Variants in SNX30 observed in about 807,000 individuals in gnomAD.
SNX30 encodes the protein sorting nexin family member 30.
A neutral mutation model predicts 46.4 loss-of-function variants in SNX30; 24 were observed. That is an observed-to-expected ratio of 0.52 (90% CI 0.37 to 0.73). SNX30 has a LOEUF of 0.73. SNX30 is among the 30% of genes least tolerant of loss of function. The pLI is 0.00. For synonymous variants in SNX30, 189 were observed against 211.5 expected (o/e 0.89, Z 0.92); for missense variants, 533 against 555.7 (o/e 0.96, Z 0.41).
At chr9:112,807,036 GTCTTT>G (rs1038081179) in intron 2 of SNX30, among the ~76,000 whole-genome samples, 10 of 132,658 alleles carry the variant, frequency 7.5e-5, no homozygotes, top group South Asian at 2.5e-4. Flanking sequence ...TTACTACTCT[GTCTTT>G]TCTTTTCTAT....
intron 1 of SNX30, among the ~76,000 whole-genome samples, chr9:112,760,126 A>T (rs1839412910): frequency 6.6e-6 from 1 of 152,220 alleles, no homozygotes; most frequent in South Asian, 2.1e-4. Flanking sequence ...TGCATAGGTG[A>T]TGGGTGGTAA....
chr9:112,813,950 C>T (rs1014767160), intron 2 of SNX30, among the ~76,000 whole-genome samples: 1 of 152,148 alleles, frequency 6.6e-6, no homozygotes, highest in Non-Finnish European at 1.5e-5. Context: ...ATCCTTGCCA[C>T]AGTTTAGACA....
At chr9:112,841,288 G>T (rs1450380777) in intron 6 of SNX30, among the ~76,000 whole-genome samples, 1 of 152,208 alleles carries the variant, frequency 6.6e-6, no homozygotes, top group East Asian at 1.9e-4. Context: ...ATTTAAAAAT[G>T]TCATATAGCA....
intron 1 of SNX30, among the ~76,000 whole-genome samples, chr9:112,767,204 T>C (rs1471432491): frequency 6.6e-6 from 1 of 152,028 alleles, no homozygotes; most frequent in Non-Finnish European, 1.5e-5. Context: ...TTTTCTGATG[T>C]TCAATATATT....
chr9:112,883,180 G>C (rs980099340), downstream of SNX30, among the ~76,000 whole-genome samples: 1 of 152,158 alleles, frequency 6.6e-6, no homozygotes, highest in African/African-American at 2.4e-5. Context: ...GAATGGGAGT[G>C]GGGGAGTGAG....
At chr9:112,815,358 AC>A in intron 2 of SNX30, among the ~76,000 whole-genome samples, 1 of 150,434 alleles carries the variant, frequency 6.6e-6, no homozygotes, top group African/African-American at 2.5e-5. Flanking sequence ...TAATAGTGTA[AC>A]TTTTTTTTTT....
Position 112,864,415 on chromosome 9 carries a change from A to C in SNX30, c.1254+16A>C, listed in dbSNP as rs151316751. On this transcript the variant is annotated intron_variant, in intron 8 of 8. Transcript: ENST00000374232. ...TTATGAGAAGGTAATGAGTGTGCCC[A>C]ACAAGACTGGTTTCTAATGGCCAGA... The C allele has an allele frequency of 1.5e-3, 2,365 of 1,613,964 alleles. 38 individuals are homozygous for C. In the African/African-American group the frequency reaches 0.029, roughly 20 times the overall value.
intron 1 of SNX30, among the ~76,000 whole-genome samples, chr9:112,768,661 T>C (rs1461620166): frequency 7.1e-5 from 10 of 141,348 alleles, no homozygotes; most frequent in African/African-American, 2.1e-4. Flanking sequence ...TTTTTTTTTT[T>C]TTTTTTTTTT....
At chr9:112,843,226 G>A (rs891220310) in intron 6 of SNX30, among the ~76,000 whole-genome samples, 8 of 152,088 alleles carry the variant, frequency 5.3e-5, no homozygotes, top group African/African-American at 9.7e-5. Flanking sequence ...TAATTGAATC[G>A]GACAATTTGG....
At chr9:112,848,927 C>T (rs780209949) in intron 6 of SNX30, among the ~76,000 whole-genome samples, 6 of 152,196 alleles carry the variant, frequency 3.9e-5, no homozygotes, top group Non-Finnish European at 7.3e-5. Flanking sequence ...CCCCCAGGAG[C>T]CCCCACGCTG....
At chr9:112,825,615 C>T (rs548863680) in intron 3 of SNX30, among the ~76,000 whole-genome samples, 1 of 152,100 alleles carries the variant, frequency 6.6e-6, no homozygotes, top group Admixed American at 6.5e-5. Context: ...TTTTTTAAGA[C>T]ATTTTGGCCT....
chr9:112,798,122 T>TC (rs1840142499), intron 1 of SNX30, among the ~76,000 whole-genome samples: 3 of 2,972 alleles, frequency 1.0e-3, no homozygotes, highest in Admixed American at 5.1e-3. Context: ...TTTTTTTTTC[T>TC]TTTTTTTTTT....
chr9:112,881,673 C>T (rs1026411057), downstream of SNX30: 1 of 152,228 alleles, frequency 6.6e-6, no homozygotes, highest in Non-Finnish European at 1.5e-5. Context: ...TTCTTTTTGA[C>T]TGCTGCTTAT....
chr9:112,759,370 T>C (rs1839403767), intron 1 of SNX30, among the ~76,000 whole-genome samples: 1 of 152,134 alleles, frequency 6.6e-6, no homozygotes, highest in Admixed American at 6.5e-5. Flanking sequence ...GACCCCTTGG[T>C]AGGTAACACT....
intron 1 of SNX30, among the ~76,000 whole-genome samples, chr9:112,770,422 C>T (rs905683859): frequency 2.0e-5 from 3 of 151,932 alleles, no homozygotes; most frequent in African/African-American, 2.4e-5. Context: ...CTGCCCACCT[C>T]GTCCCCCCAA....
At chr9:112,839,242 A>C (rs1840817291) in intron 6 of SNX30, among the ~76,000 whole-genome samples, 1 of 152,260 alleles carries the variant, frequency 6.6e-6, no homozygotes, top group African/African-American at 2.4e-5. Context: ...AAATAATACA[A>C]GAAAGTCCCC....
chr9:112,774,335 A>G (rs1434440999), intron 1 of SNX30, among the ~76,000 whole-genome samples: 1 of 152,236 alleles, frequency 6.6e-6, no homozygotes, highest in Non-Finnish European at 1.5e-5. Context: ...AGAAGATTCA[A>G]ATTACTAAAA....
intron 4 of SNX30, among the ~76,000 whole-genome samples, chr9:112,832,181 C>T (rs2131446324): frequency 6.6e-6 from 1 of 152,022 alleles, no homozygotes; most frequent in East Asian, 1.9e-4. Context: ...CTTTCCCCCC[C>T]TACAGGTTGG....
intron 7 of SNX30, among the ~76,000 whole-genome samples, chr9:112,861,194 A>G (rs1841222922): frequency 6.6e-6 from 1 of 152,134 alleles, no homozygotes. Context: ...GCATTTTTCT[A>G]TTAACTGAGG....
Sources: gnomAD v4.1 joint callset for allele counts (sites outside exome capture counted in the v4.1 genomes callset) on GRCh38, gnomAD v4.1.1 for gene constraint, MANE v1.5 for transcripts, NCBI Gene and HGNC (gene_info 2026-07-23, HGNC 2026-07-21) for gene names.